Variants in KCTD16 observed in about 807,000 individuals in gnomAD.
KCTD16 encodes potassium channel tetramerization domain containing 16, also known as BTB/POZ domain-containing protein KCTD16.
In KCTD16, 13 loss-of-function variants were observed where a neutral mutation model predicts 33.2. That is an observed-to-expected ratio of 0.39 (90% confidence interval 0.25 to 0.62). The LOEUF (loss-of-function observed/expected upper bound fraction) is 0.62. Ranked by LOEUF, KCTD16 falls within the 20% of genes least tolerant of loss-of-function variation. The pLI, the probability that KCTD16 is intolerant of heterozygous loss-of-function variation, is 0.50. For synonymous variants in KCTD16, 197 were observed against 195.3 expected, an observed-to-expected ratio of 1.01 and a Z score of -0.07; for missense variants, 441 against 525.1, an observed-to-expected ratio of 0.84 and a Z score of 1.57.
chr5:144,324,892 CAG>C (rs1285069904), intron 3 of KCTD16, among the ~76,000 whole-genome samples: 1 of 152,076 alleles, frequency 6.6e-6, no homozygotes, highest in African/African-American at 2.4e-5. Context: ...CACATGGACA[CAG>C]GGAAGGGAAC....
intron 3 of KCTD16, among the ~76,000 whole-genome samples, chr5:144,466,371 C>T (rs747180999): frequency 1.3e-5 from 2 of 151,712 alleles, no homozygotes; most frequent in Non-Finnish European, 2.9e-5. Context: ...AAGAGCACCA[C>T]TGACACTGTG....
intron 3 of KCTD16, among the ~76,000 whole-genome samples, chr5:144,335,197 A>G (rs908437138): frequency 1.3e-5 from 2 of 152,242 alleles, no homozygotes; most frequent in Non-Finnish European, 2.9e-5. Context: ...CCCATGACAT[A>G]GCATCATACC....
At chr5:144,271,831 G>T (rs1315554415) in intron 3 of KCTD16, among the ~76,000 whole-genome samples, 3 of 151,274 alleles carry the variant, frequency 2.0e-5, no homozygotes, top group Non-Finnish European at 2.9e-5. Flanking sequence ...AGGATACAAA[G>T]TCAACACACA....
At chr5:144,348,229 A>G (rs1378867981) in intron 3 of KCTD16, among the ~76,000 whole-genome samples, 2 of 152,062 alleles carry the variant, frequency 1.3e-5, no homozygotes, top group Non-Finnish European at 2.9e-5. Context: ...ATGTGTTTCT[A>G]TTTCTAGTGT....
intron 3 of KCTD16, among the ~76,000 whole-genome samples, chr5:144,328,295 G>A (rs1434945016): frequency 6.6e-6 from 1 of 152,130 alleles, no homozygotes; most frequent in Non-Finnish European, 1.5e-5. Context: ...ACAATTCATG[G>A]AAAGGTGCAT....
intron 3 of KCTD16, among the ~76,000 whole-genome samples, chr5:144,407,201 GTT>G (rs60786617): frequency 7.0e-6 from 1 of 142,468 alleles, no homozygotes. Flanking sequence ...AAAAATTCCT[GTT>G]TTTTTTTTTT....
chr5:144,442,853 A>G (rs1220316546), intron 3 of KCTD16, among the ~76,000 whole-genome samples: 3 of 151,190 alleles, frequency 2.0e-5, no homozygotes, highest in Non-Finnish European at 2.9e-5. Context: ...CCTTTGCTCT[A>G]TACTAGGTAC....
intron 3 of KCTD16, among the ~76,000 whole-genome samples, chr5:144,288,517 G>A (rs1168529128): frequency 1.3e-5 from 2 of 152,072 alleles, no homozygotes; most frequent in Non-Finnish European, 2.9e-5. Context: ...GGTGGACCCT[G>A]GCTATTTGTG....
chr5:144,411,486 G>A (rs1752931367), intron 3 of KCTD16, among the ~76,000 whole-genome samples: 1 of 152,126 alleles, frequency 6.6e-6, no homozygotes, highest in Non-Finnish European at 1.5e-5. Flanking sequence ...ACCATATGCA[G>A]AAGAATGAAA....
At chr5:144,441,415 TA>T (rs1263170112) in intron 3 of KCTD16, among the ~76,000 whole-genome samples, 4 of 152,118 alleles carry the variant, frequency 2.6e-5, no homozygotes, top group Admixed American at 1.3e-4. Context: ...GTCTGTGATT[TA>T]TTTTTTTACC....
chr5:144,174,417 CTG>C lies in KCTD16; in HGVS notation c.-378_-377del, dbSNP rs1752459476. 6.6e-6 allele frequency: 1 copy of C among 152,178 alleles called. No homozygotes were observed. Among genetic ancestry groups the C allele is most frequent in the African/African-American group, 2.4e-5 (1 of 41,440 alleles). 9.4% of individuals were successfully genotyped at this position (152,178 alleles called of 1,614,324 possible). A position where few individuals can be genotyped will look rare whatever the true frequency, so the allele number is the denominator to read the frequency against. On this transcript the variant is annotated 5_prime_UTR_variant, in exon 2 of 4. The change abolishes the stop of an existing upstream ORF in the 5' untranslated region. Coordinates refer to ENST00000512467, the MANE Select transcript of KCTD16 (RefSeq NM_020768.4). Reference sequence around the variant, plus strand: ...CACATGAAGTGGAGATCTGGCAGCTCTGTGTATTTCAGTCAAGTTCCACAATG... The same window carrying C: ...CACATGAAGTGGAGATCTGGCAGCTCTGTATTTCAGTCAAGTTCCACAATG...
At chr5:144,324,444 G>C (rs758532637) in intron 3 of KCTD16, among the ~76,000 whole-genome samples, 2 of 152,152 alleles carry the variant, frequency 1.3e-5, no homozygotes, top group Non-Finnish European at 1.5e-5. Flanking sequence ...TGGTGAGGCT[G>C]TGGAGAAATA....
At chr5:144,281,276 A>T (rs1308201714) in intron 3 of KCTD16, among the ~76,000 whole-genome samples, 3 of 152,234 alleles carry the variant, frequency 2.0e-5, no homozygotes, top group Non-Finnish European at 4.4e-5. Context: ...TTCTTAGGGT[A>T]GAAACTTCAG....
chr5:144,234,388 C>A (rs1295267941), intron 3 of KCTD16, among the ~76,000 whole-genome samples: 1 of 152,124 alleles, frequency 6.6e-6, no homozygotes, highest in African/African-American at 2.4e-5. Context: ...ATGGCTTGGT[C>A]AAATCACATC....
chr5:144,313,205 G>GTCATATATATA (rs1299152092), intron 3 of KCTD16, among the ~76,000 whole-genome samples: 26 of 152,116 alleles, frequency 1.7e-4, no homozygotes, highest in Admixed American at 2.0e-4. Context: ...TGAGAGATCA[G>GTCATATATATA]TATAAAACAA....
At chr5:144,290,624 G>T (rs186666296) in intron 3 of KCTD16, among the ~76,000 whole-genome samples, 77 of 152,264 alleles carry the variant, frequency 5.1e-4, no homozygotes, top group Middle Eastern at 3.4e-3. Context: ...TTCCTTCGGA[G>T]CATCCATCAA....
chr5:144,193,665 C>G (rs1752887344), intron 2 of KCTD16, among the ~76,000 whole-genome samples: 1 of 152,094 alleles, frequency 6.6e-6, no homozygotes, highest in South Asian at 2.1e-4. Flanking sequence ...AGCTGGTCTA[C>G]TTTATTCATT....
chr5:144,178,383 A>T (rs985887204), intron 2 of KCTD16, among the ~76,000 whole-genome samples: 1 of 152,156 alleles, frequency 6.6e-6, no homozygotes, highest in South Asian at 2.1e-4. Flanking sequence ...ATTTTTTGTT[A>T]TTAAGACTAA....
chr5:144,252,895 T>C (rs1264492835), intron 3 of KCTD16, among the ~76,000 whole-genome samples: 1 of 151,658 alleles, frequency 6.6e-6, no homozygotes, highest in Non-Finnish European at 1.5e-5. Context: ...TCTTGCCTTT[T>C]TTTTTTTTTC....
Sources: gnomAD v4.1 joint callset for allele counts (sites outside exome capture counted in the v4.1 genomes callset) on GRCh38, gnomAD v4.1.1 for gene constraint, MANE v1.5 for transcripts, NCBI Gene and HGNC (gene_info 2026-07-23, HGNC 2026-07-21) for gene names.